NOTCH2: variants seen among roughly 807,000 people sequenced by gnomAD.
NOTCH2 encodes the protein notch receptor 2.
NOTCH2 carries 29 observed loss-of-function variants against 235.8 expected under a neutral mutation model. That is an observed-to-expected ratio of 0.12 (90% CI 0.09 to 0.17). The LOEUF is 0.17. Among genes scored for constraint, NOTCH2 ranks in the 10% least tolerant of loss-of-function variants. The probability of loss-of-function intolerance (pLI) is 1.00; values close to 1 mark genes in which losing one functional copy is unlikely to be tolerated. For missense variants in NOTCH2, 2,285 were observed against 3,150.2 expected, an observed-to-expected ratio of 0.73 and a Z score of 6.57; for synonymous variants, 1,086 against 1,141.5, an observed-to-expected ratio of 0.95 and a Z score of 0.98.
chr1:119,995,862 TGA>T (rs1284889977), intron 4 of NOTCH2: 2 of 152,218 alleles, frequency 1.3e-5, no homozygotes, highest in Non-Finnish European at 2.9e-5. Context: ...AATTACCAGT[TGA>T]TTTTATACTG....
At chr1:120,067,249 A>G (rs1161808581) in intron 1 of NOTCH2, among the ~76,000 whole-genome samples, 1 of 142,104 alleles carries the variant, frequency 7.0e-6, no homozygotes, top group Non-Finnish European at 1.5e-5. Flanking sequence ...AACGGCTTCT[A>G]AATCTCTTCT....
chr1:119,927,454 G>A (rs587702468), intron 23 of NOTCH2, among the ~76,000 whole-genome samples: 7 of 152,254 alleles, frequency 4.6e-5, no homozygotes, highest in African/African-American at 1.4e-4. Flanking sequence ...ACAGCTTGGT[G>A]GACCACCAGT....
chr1:120,031,120 C>G (rs1161024809), intron 1 of NOTCH2, among the ~76,000 whole-genome samples: 2 of 151,762 alleles, frequency 1.3e-5, no homozygotes, highest in Non-Finnish European at 2.9e-5. Context: ...CCACACCACT[C>G]TATGCATAAA....
At chr1:120,009,869 CTT>C (rs1231510286) in intron 2 of NOTCH2, among the ~76,000 whole-genome samples, 5 of 149,150 alleles carry the variant, frequency 3.4e-5, no homozygotes, top group African/African-American at 1.3e-4. Flanking sequence ...CTGCACTGCT[CTT>C]TCTCTCAAAT....
intron 5 of NOTCH2, among the ~76,000 whole-genome samples, chr1:119,981,122 C>T (rs1651795922): frequency 6.6e-6 from 1 of 152,108 alleles, no homozygotes; most frequent in Non-Finnish European, 1.5e-5. Context: ...ATGTTTTTCA[C>T]TTGGAAAACT....
At position 119,917,773 on chromosome 1, in the gene NOTCH2, G is replaced by C. The variant is rs1334913767; in HGVS notation, c.5930-11C>G. The C allele has an allele frequency of 1.3e-6, 2 of 1,539,322 alleles. No homozygotes were observed. Among genetic ancestry groups the C allele is most frequent in the East Asian group, 2.2e-5 (1 of 44,540 alleles). The stretch of plus-strand genomic sequence containing the variant: ...GAAGAGCAGATTTTCCTGCAGGGGA[G>C]AAACATTTTTATAAACAGACATATC... On this transcript the variant is annotated splice_polypyrimidine_tract_variant and intron_variant, in intron 32 of 33. Transcript: ENST00000256646.
chr1:120,063,415 A>G (rs1655386318), intron 1 of NOTCH2, among the ~76,000 whole-genome samples: 2 of 151,772 alleles, frequency 1.3e-5, no homozygotes, highest in Non-Finnish European at 2.9e-5. Context: ...AGTGGACACC[A>G]AAAAGGCTGT....
intron 28 of NOTCH2, 110 bp from the exon 29 acceptor site, chr1:119,921,919 G>C (rs1649297005): frequency 1.0e-6 from 1 of 960,322 alleles, no homozygotes; most frequent in Non-Finnish European, 1.6e-6. Context: ...CAATTTTGCA[G>C]GGTCTTGGCC....
At chr1:119,934,405 C>T (rs1016484044) in intron 22 of NOTCH2, among the ~76,000 whole-genome samples, 4 of 152,180 alleles carry the variant, frequency 2.6e-5, no homozygotes, top group Non-Finnish European at 5.9e-5. Context: ...CGTAGCTTGT[C>T]CTAACCAGTA....
At chr1:119,941,837 AG>A (rs1650075298) in intron 17 of NOTCH2, 83 bp from the exon 18 acceptor site, 1 of 1,086,794 alleles carries the variant, frequency 9.2e-7, no homozygotes, top group Admixed American at 1.9e-5. Flanking sequence ...ACCTGAACTA[AG>A]TCATGCTGGG....
In NOTCH2 at chr1:120,029,930, T is replaced by TA; in HGVS notation, c.130dup (p.Tyr44LeufsTer26). 1 of 716,622 alleles carries TA rather than the reference T, an allele frequency of 1.4e-6. No homozygotes were observed. The highest frequency in any genetic ancestry group is 3.4e-4 in the Middle Eastern group (1 of 2,928). 44.4% of individuals were successfully genotyped at this position (716,622 alleles called of 1,614,324 possible). The stretch of plus-strand genomic sequence containing the variant: ...CTTGCAGTATCCTGTGCCATTGTGG[T>TA]AGGTAACACACATTCCTTCATTTAC... On this transcript the variant is annotated frameshift_variant, in exon 2 of 34. Coordinates refer to ENST00000256646, the MANE Select transcript of NOTCH2 (RefSeq NM_024408.4). LOFTEE classifies it high-confidence loss of function.
intron 5 of NOTCH2, among the ~76,000 whole-genome samples, chr1:119,986,198 A>C (rs1652011427): frequency 6.6e-6 from 1 of 152,166 alleles, no homozygotes; most frequent in African/African-American, 2.4e-5. Context: ...TTTCCACATT[A>C]AATTAATTTC....
intron 2 of NOTCH2, among the ~76,000 whole-genome samples, chr1:120,008,817 G>C (rs1351595132): frequency 2.0e-5 from 3 of 152,180 alleles, no homozygotes; most frequent in Non-Finnish European, 2.9e-5. Context: ...CATTTTTCCA[G>C]TGCTAGAAAA....
At chr1:119,937,820 G>T (rs782389533) in intron 20 of NOTCH2, 37 bp downstream of exon 20, 2 of 1,610,916 alleles carry the variant, frequency 1.2e-6, no homozygotes, top group Non-Finnish European at 1.7e-6. Flanking sequence ...AGTCAATACT[G>T]CAGTGAATGA....
At chr1:120,033,584 T>C (rs1323336980) in intron 1 of NOTCH2, among the ~76,000 whole-genome samples, 2 of 151,064 alleles carry the variant, frequency 1.3e-5, no homozygotes, top group South Asian at 2.1e-4. Context: ...TTCTCACTTA[T>C]ATGTAGAATT....
chr1:119,972,947 A>C (rs1350808489), intron 5 of NOTCH2, among the ~76,000 whole-genome samples: 1 of 152,170 alleles, frequency 6.6e-6, no homozygotes, highest in Non-Finnish European at 1.5e-5. Flanking sequence ...CATGACTCAA[A>C]CAATTGGTTA....
intron 5 of NOTCH2, among the ~76,000 whole-genome samples, chr1:119,977,103 C>G (rs587760395): frequency 1.3e-5 from 2 of 152,202 alleles, no homozygotes; most frequent in African/African-American, 4.8e-5. Context: ...CTGTTTACCT[C>G]ATCACTGAAT....
At chr1:119,966,337 T>G (rs781874798) in intron 9 of NOTCH2, 39 bp downstream of exon 9, 6 of 1,398,090 alleles carry the variant, frequency 4.3e-6, no homozygotes, top group Non-Finnish European at 5.1e-6. Context: ...GTTGGCTTTG[T>G]GCTTTAAGAG....
At chr1:120,067,636 C>A (rs1286997692) in intron 1 of NOTCH2, among the ~76,000 whole-genome samples, 1 of 152,122 alleles carries the variant, frequency 6.6e-6, no homozygotes, top group Non-Finnish European at 1.5e-5. Flanking sequence ...AATGATAGAC[C>A]AAGGATTATT....
Sources: allele counts gnomAD v4.1 joint callset (sites outside exome capture counted in the v4.1 genomes callset), GRCh38; gene constraint gnomAD v4.1.1; transcripts MANE v1.5; gene names NCBI Gene and HGNC (gene_info 2026-07-23, HGNC 2026-07-21).